The following MAD1L1 variants were observed in gnomAD, a reference collection of about 807,000 sequenced individuals.
MAD1L1 encodes mitotic spindle assembly checkpoint protein MAD1.
MAD1L1 carries 95 observed loss-of-function variants against 96.9 expected under a neutral mutation model. The ratio of observed to expected loss-of-function variants is 0.98; its 90% CI spans 0.83 to 1.16. The LOEUF (loss-of-function observed/expected upper bound fraction) is 1.16, where lower values mean the gene tolerates loss of function less well. MAD1L1 is among the 50% of genes most tolerant of loss of function. The probability of loss-of-function intolerance (pLI) is 0.00; values close to 1 mark genes in which losing one functional copy is unlikely to be tolerated. For synonymous variants in MAD1L1, 473 were observed against 396.6 expected, an observed-to-expected ratio of 1.19 and a Z score of -2.29; for missense variants, 1,007 against 954.4, an observed-to-expected ratio of 1.06 and a Z score of -0.73.
chr7:1,851,854 T>C (rs905509652), intron 18 of MAD1L1, among the ~76,000 whole-genome samples: 1 of 152,052 alleles, frequency 6.6e-6, no homozygotes, highest in Non-Finnish European at 1.5e-5. Context: ...CCCAGGGAGC[T>C]AGAGTCGCCT....
intron 12 of MAD1L1, among the ~76,000 whole-genome samples, chr7:2,068,230 T>TGCCC (rs1784969328): frequency 6.6e-6 from 1 of 152,250 alleles, no homozygotes; most frequent in South Asian, 2.1e-4. Context: ...GTGTTCCGGG[T>TGCCC]GCCCACACAG....
At position 2,103,125 on chromosome 7, in the gene MAD1L1, G is replaced by C. The variant is rs1341514117; in HGVS notation, c.1074-33787C>G. Among the ~76,000 whole-genome samples the C allele has an allele frequency of 1.3e-5, 2 of 152,130 alleles. No individual in the cohort carries two copies. Among genetic ancestry groups the C allele is most frequent in the Admixed American group, 1.3e-4 (2 of 15,284 alleles). On this transcript the variant is annotated intron_variant, in intron 11 of 18. Transcript: ENST00000265854. This position sits in a 1 kb window ranked among gnomAD's most constrained non-coding sequence, Gnocchi z 4.3. ...CTCCCACCTCAGGGCCCCTGCGCTT[G>C]CTGCTGCCTCTGCCTGGAACGGGCT... is the stretch of plus-strand genomic sequence containing the variant.
chr7:1,947,498 G>A (rs1185384170), intron 16 of MAD1L1, among the ~76,000 whole-genome samples: 1 of 152,270 alleles, frequency 6.6e-6, no homozygotes, highest in Non-Finnish European at 1.5e-5. Context: ...GAGGCAGCTC[G>A]GGCTGTGCCT....
intron 15 of MAD1L1, among the ~76,000 whole-genome samples, chr7:1,961,984 CA>C (rs1316890162): frequency 1.3e-5 from 2 of 151,862 alleles, no homozygotes; most frequent in African/African-American, 4.8e-5. Flanking sequence ...TGGTTTCCCC[CA>C]TACCATTCTC....
intron 15 of MAD1L1, among the ~76,000 whole-genome samples, chr7:1,966,550 C>T (rs1290899446): frequency 8.8e-6 from 1 of 113,718 alleles, no homozygotes; most frequent in Non-Finnish European, 1.8e-5. Flanking sequence ...CTGAAATATC[C>T]CAAACTTGGC....
chr7:1,957,388 T>C (rs1408529264), intron 16 of MAD1L1, among the ~76,000 whole-genome samples: 1 of 152,068 alleles, frequency 6.6e-6, no homozygotes, highest in Non-Finnish European at 1.5e-5. Flanking sequence ...CAGAGCCCAC[T>C]CCACCGACAC....
In MAD1L1 at chr7:2,229,981, C is replaced by T. The variant is rs1794111342; in HGVS notation, c.150+3G>A. ...GACTCCCACCCAGGCACATGCCACT[C>T]ACCTGCATGCTCTGCTGGTACTGCA... On this transcript the variant is annotated splice_donor_region_variant and intron_variant, in intron 3 of 18. Coordinates refer to ENST00000265854, the MANE Select transcript of MAD1L1 (RefSeq NM_001013836.2). 1.9e-6 allele frequency: 3 copies of T among 1,612,190 alleles called. No homozygotes were observed. Among genetic ancestry groups the T allele is most frequent in the Admixed American group, 1.7e-5 (1 of 60,008 alleles).
chr7:2,041,693 C>T (rs1783680235), intron 12 of MAD1L1, among the ~76,000 whole-genome samples: 1 of 152,212 alleles, frequency 6.6e-6, no homozygotes. Context: ...TTGAATGAAA[C>T]CAGATGAGGA....
At position 1,829,181 on chromosome 7, in the gene MAD1L1, G is replaced by A. The variant is rs535977671; in HGVS notation, c.1999-12953C>T. 3.8e-4 allele frequency among the ~76,000 whole-genome samples: 58 copies of A among 152,368 alleles called. 1 individual carries two copies. The highest frequency in any genetic ancestry group is 3.8e-4 in the Non-Finnish European group (26 of 68,038). Reference sequence around the variant, plus strand: ...GGCAGGCTGGTGGCACTTCTGAAATGGCTCCTGATGGTCCCCACCTCCAGG... The same window carrying A: ...GGCAGGCTGGTGGCACTTCTGAAATAGCTCCTGATGGTCCCCACCTCCAGG... On this transcript the variant is annotated intron_variant, in intron 18 of 18. Coordinates refer to ENST00000265854, the MANE Select transcript of MAD1L1 (RefSeq NM_001013836.2).
At position 2,146,831 on chromosome 7, in the gene MAD1L1, G is replaced by A. The variant is rs1310688969; in HGVS notation, c.1073+2321C>T. Among the ~76,000 whole-genome samples the A allele has an allele frequency of 3.9e-5, 6 of 152,162 alleles. No homozygotes were observed. The East Asian group carries it at 5.8e-4, about 15-fold the overall frequency. On this transcript the variant is annotated intron_variant, in intron 11 of 18. Transcript: ENST00000265854. This position sits in a 1 kb window ranked among gnomAD's most constrained non-coding sequence, Gnocchi z 6.2. ...AATGTGCTCAGCTGTTCAACCGTGC[G>A]AGGCTCCCTGACCCCGCCACGGCAG...
intron 12 of MAD1L1, among the ~76,000 whole-genome samples, chr7:2,064,386 C>T (rs966068540): frequency 6.6e-6 from 1 of 152,150 alleles, no homozygotes; most frequent in African/African-American, 2.4e-5. Flanking sequence ...CCTGGCTCCC[C>T]TGCCCCAGAT....
intron 18 of MAD1L1, among the ~76,000 whole-genome samples, chr7:1,871,644 C>CACCT: frequency 6.7e-6 from 1 of 149,756 alleles, no homozygotes; most frequent in African/African-American, 2.5e-5. Context: ...ACCCAACATA[C>CACCT]GCCTGCCATG....
chr7:1,879,790 G>T (rs555085142), intron 18 of MAD1L1, among the ~76,000 whole-genome samples: 17 of 152,254 alleles, frequency 1.1e-4, no homozygotes, highest in Admixed American at 2.6e-4. Flanking sequence ...GAGTGCAGTG[G>T]CGCGATCTCG....
intron 11 of MAD1L1, among the ~76,000 whole-genome samples, chr7:2,132,159 A>T (rs946735973): frequency 6.6e-6 from 1 of 152,112 alleles, no homozygotes; most frequent in Admixed American, 6.5e-5. Context: ...AAATTTACAG[A>T]TATTCTTTTT....
At chr7:2,215,157 T>C (rs1438580811) in intron 9 of MAD1L1, among the ~76,000 whole-genome samples, 1 of 152,072 alleles carries the variant, frequency 6.6e-6, no homozygotes, top group African/African-American at 2.4e-5. Flanking sequence ...GGAGGGTGGA[T>C]CACGAGTTCC....
intron 17 of MAD1L1, among the ~76,000 whole-genome samples, chr7:1,927,154 C>T (rs781354337): frequency 9.2e-5 from 14 of 151,652 alleles, no homozygotes; most frequent in Non-Finnish European, 1.2e-4. Context: ...ATAAAACCAA[C>T]AAAACCATGT....
chr7:1,898,310 G>A lies in MAD1L1; in HGVS notation c.1888C>T (p.Arg630Cys), dbSNP rs1329907596. 1.3e-5 allele frequency: 21 copies of A among 1,613,916 alleles called. No homozygotes were observed. The highest frequency in any genetic ancestry group is 2.2e-5 in the South Asian group (2 of 91,058). ...CCGGTGAGCGTGTAGCAGGCCTTGCGGAACTCCTGGATCTTGGTCTGGAAA... is the reference window on the plus strand; with the variant it reads ...CCGGTGAGCGTGTAGCAGGCCTTGCAGAACTCCTGGATCTTGGTCTGGAAA... The part of the protein sequence containing the change: ...EVFQTKIQEF[R>C]KACYTLTGYQ... Residue 630 changes from arginine (R) to cysteine (C), a missense_variant, in exon 18 of 19, where the codon CGC (arginine) becomes TGC (cysteine). Arg to Cys is a radical substitution (Grantham distance 180). Transcript: ENST00000265854.
chr7:1,980,675 C>T, intron 14 of MAD1L1, 134 bp from the exon 15 acceptor site: 2 of 740,758 alleles, frequency 2.7e-6, no homozygotes, highest in Non-Finnish European at 2.5e-6. Flanking sequence ...AGAGACCTCT[C>T]TCCTGGAAGC....
In MAD1L1 at chr7:2,103,995, A is replaced by G. The variant is rs758650314; in HGVS notation, c.1074-34657T>C. Among the ~76,000 whole-genome samples, 25 of 152,244 alleles carry G rather than the reference A, an allele frequency of 1.6e-4. No individual in the cohort carries two copies. Among genetic ancestry groups the G allele is most frequent in the Admixed American group, 2.6e-4 (4 of 15,288 alleles). On this transcript the variant is annotated intron_variant, in intron 11 of 18. Coordinates refer to ENST00000265854, the MANE Select transcript of MAD1L1 (RefSeq NM_001013836.2). This position sits in a 1 kb window ranked among gnomAD's most constrained non-coding sequence, Gnocchi z 4.3. ...GCAGCCGGTGTCTGGAAATCATTCA[A>G]TGAAGGTAAGGAGTGTGCTCCTCAG...
Sources: allele counts gnomAD v4.1 joint callset (sites outside exome capture counted in the v4.1 genomes callset), GRCh38; gene constraint gnomAD v4.1.1; non-coding constraint Gnocchi (gnomAD v3.1); transcripts MANE v1.5; gene names NCBI Gene and HGNC (gene_info 2026-07-23, HGNC 2026-07-21).